Variants in MMADHC observed in about 807,000 individuals in gnomAD.
MMADHC encodes the protein cobalamin trafficking protein CblD.
MMADHC carries 23 observed loss-of-function variants against 36.3 expected under a neutral mutation model. That is an observed-to-expected ratio of 0.63 (90% confidence interval 0.46 to 0.90). The LOEUF is 0.90. Among genes scored for constraint, MMADHC ranks in the 40% least tolerant of loss-of-function variants. The pLI is 0.00. For missense variants in MMADHC, 330 were observed against 348.0 expected (o/e 0.95, Z 0.41); for synonymous variants, 97 against 116.1 (o/e 0.84, Z 1.06).
At chr2:149,574,239 T>C (rs572215934) in intron 6 of MMADHC, among the ~76,000 whole-genome samples, 4 of 152,280 alleles carry the variant, frequency 2.6e-5, no homozygotes, top group South Asian at 2.1e-4. Context: ...ACTTCAATGA[T>C]AGTGATGAGT....
chr2:149,577,585 G>A (rs1298876316), intron 4 of MMADHC, among the ~76,000 whole-genome samples: 1 of 152,146 alleles, frequency 6.6e-6, no homozygotes, highest in Non-Finnish European at 1.5e-5. Flanking sequence ...GGGAGGCTGA[G>A]GCACGAGAAT....
At chr2:149,575,529 CT>C (rs1388878344) in intron 6 of MMADHC, among the ~76,000 whole-genome samples, 181 bp downstream of exon 6, 3 of 152,042 alleles carry the variant, frequency 2.0e-5, no homozygotes, top group Non-Finnish European at 2.9e-5. Flanking sequence ...AGAATCTAAA[CT>C]TTTAAGGATA....
rs76358075 is a variant in MMADHC, at chr2:149,572,912, T to C, written c.610-1741A>G. Among the ~76,000 whole-genome samples, 814 of 152,242 alleles carry C rather than the reference T, an allele frequency of 5.3e-3. 7 individuals carry two copies. Among genetic ancestry groups the C allele is most frequent in the African/African-American group, 0.018 (743 of 41,542 alleles). ...CCAAGCCTTACAAATCAAGACTATA[T>C]TGTAATTCAGAGGTTAGTAAGCTAC... On this transcript the variant is annotated intron_variant, in intron 6 of 7. Transcript: ENST00000303319.
At position 149,582,121 on chromosome 2, in the gene MMADHC, A is replaced by G. The variant is rs113417642; in HGVS notation, c.154+6T>C. 1 of 1,613,678 alleles carries G rather than the reference A, an allele frequency of 6.2e-7. No individual in the cohort carries two copies. Among genetic ancestry groups the G allele is most frequent in the Non-Finnish European group, 8.5e-7 (1 of 1,179,676 alleles). ...TATAAGTAAAGCAGTAACAACTTTCACTTACATATATCTGGAGGTGCAGCA... is the reference window on the plus strand; with the variant it reads ...TATAAGTAAAGCAGTAACAACTTTCGCTTACATATATCTGGAGGTGCAGCA... On this transcript the variant is annotated splice_donor_region_variant and intron_variant, in intron 3 of 7. Transcript: ENST00000303319.
chr2:149,586,408 C>T (rs1682869201), intron 2 of MMADHC, among the ~76,000 whole-genome samples: 1 of 152,168 alleles, frequency 6.6e-6, no homozygotes, highest in South Asian at 2.1e-4. Flanking sequence ...GTCCTTCCCG[C>T]TCATATTTTA....
intron 7 of MMADHC, among the ~76,000 whole-genome samples, chr2:149,570,808 C>A (rs1050952165): frequency 2.0e-5 from 3 of 152,036 alleles, no homozygotes; most frequent in Non-Finnish European, 4.4e-5. Flanking sequence ...AAAATAAACA[C>A]ACTAATTCAA....
In MMADHC at chr2:149,587,094, C is replaced by G; in HGVS notation, c.4G>C (p.Ala2Pro). 1 of 1,613,866 alleles carries G rather than the reference C, an allele frequency of 6.2e-7. No individual in the cohort carries two copies. The highest frequency in any genetic ancestry group is 8.5e-7 in the Non-Finnish European group (1 of 1,179,750). The change falls in exon 2 of 8, where the codon GCC (alanine) becomes CCC (proline). Residue 2 changes from alanine to proline, a missense_variant. By Grantham distance (27) the Ala-to-Pro change is conservative (BLOSUM62 -1). Transcript: ENST00000303319. M[A>P]NVLCNRARLV... is the part of the protein sequence containing the mutation. Reference sequence around the variant, plus strand: ...TTAAGAGATAATTTACTCACATTGGCCATCTCCGCTGGAGAAGATAGTTCG... The same window carrying G: ...TTAAGAGATAATTTACTCACATTGGGCATCTCCGCTGGAGAAGATAGTTCG...
intron 2 of MMADHC, among the ~76,000 whole-genome samples, chr2:149,582,559 T>A (rs904474635): frequency 2.0e-5 from 3 of 152,214 alleles, no homozygotes; most frequent in Admixed American, 2.0e-4. Flanking sequence ...ATCTAAAAGT[T>A]GTCTTATTTA....
chr2:149,570,590 T>C (rs1448970009), intron 7 of MMADHC, among the ~76,000 whole-genome samples: 1 of 152,198 alleles, frequency 6.6e-6, no homozygotes, highest in African/African-American at 2.4e-5. Context: ...TACTACTTGT[T>C]ACAGAAAGAT....
chr2:149,569,752 A>C lies in MMADHC; in HGVS notation c.*222T>G. The C allele has an allele frequency of 2.3e-6, 1 of 440,114 alleles. No homozygotes were observed. The highest frequency in any genetic ancestry group is 3.4e-5 in the South Asian group (1 of 29,098). The allele number at this position is 440,114 out of a possible 1,614,324, so 27.3% of individuals were successfully genotyped here. A position where few individuals can be genotyped will look rare whatever the true frequency, so the allele number is the denominator to read the frequency against. On this transcript the variant is annotated 3_prime_UTR_variant, in exon 8 of 8. Coordinates refer to ENST00000303319, the MANE Select transcript of MMADHC (RefSeq NM_015702.3). ...ATACCCTGGTTACAAGCTAATTACC[A>C]CATCCTATACAATGTGGATGTGTTC...
chr2:149,582,555 A>T (rs1270850516), intron 2 of MMADHC, among the ~76,000 whole-genome samples: 1 of 152,224 alleles, frequency 6.6e-6, no homozygotes, highest in East Asian at 1.9e-4. Flanking sequence ...AGACATCTAA[A>T]AGTTGTCTTA....
intron 3 of MMADHC, 77 bp downstream of exon 3, chr2:149,582,050 G>T (rs1573879979): frequency 1.3e-5 from 20 of 1,525,138 alleles, no homozygotes; most frequent in Non-Finnish European, 1.8e-5. Context: ...TAAGCCTTAA[G>T]AAGAAATATT....
Position 149,570,053 on chromosome 2 carries a change from C to G in MMADHC, c.812G>C (p.Gly271Ala). 3.1e-6 allele frequency: 5 copies of G among 1,613,650 alleles called. No individual in the cohort carries two copies. The highest frequency in any genetic ancestry group is 4.2e-6 in the Non-Finnish European group (5 of 1,179,682). Residue 271 changes from glycine (G) to alanine (A), a missense_variant, in exon 8 of 8, where the codon GGT (glycine) becomes GCT (alanine). Physicochemically the swap from Gly to Ala is moderately conservative, Grantham distance 60. Transcript: ENST00000303319. The part of the protein sequence containing the change: ...CCKVIRHSLW[G>A]THVVVGSIFT... ...GATACTCCCTACAACTACATGGGTA[C>G]CCCAGAGACTATGACGAATCACTTT...
intron 2 of MMADHC, among the ~76,000 whole-genome samples, chr2:149,584,419 T>C (rs777695211): frequency 6.6e-6 from 1 of 152,212 alleles, no homozygotes; most frequent in Non-Finnish European, 1.5e-5. Context: ...AGTTTCAGCA[T>C]GGTTAAACTA....
intron 6 of MMADHC, among the ~76,000 whole-genome samples, chr2:149,574,706 T>C (rs187048882): frequency 1.9e-4 from 29 of 152,344 alleles, no homozygotes; most frequent in Admixed American, 1.2e-3. Context: ...TAGGAATCTA[T>C]AGATATTAGC....
chr2:149,574,150 G>GT (rs1682682028), intron 6 of MMADHC, among the ~76,000 whole-genome samples: 1 of 152,124 alleles, frequency 6.6e-6, no homozygotes, highest in Admixed American at 6.5e-5. Context: ...ACTGGAGTCA[G>GT]TATCAAATTA....
chr2:149,587,212 G>A, intron 1 of MMADHC, 63 bp from the exon 2 acceptor site: 1 of 1,014,586 alleles, frequency 9.9e-7, no homozygotes, highest in Non-Finnish European at 1.6e-6. Flanking sequence ...GACAACTGAG[G>A]TAACGTCCAC....
At chr2:149,579,102 T>C (rs916793261) in intron 4 of MMADHC, among the ~76,000 whole-genome samples, 10 of 151,716 alleles carry the variant, frequency 6.6e-5, no homozygotes, top group African/African-American at 2.4e-4. Flanking sequence ...ACAAATTTAA[T>C]TGCCATTTAT....
chr2:149,570,978 G>T (rs1682629998), intron 7 of MMADHC, 107 bp downstream of exon 7: 1 of 933,316 alleles, frequency 1.1e-6, no homozygotes, highest in Non-Finnish European at 1.7e-6. Flanking sequence ...GGGTAAAATT[G>T]TGAGATTTTT....
Sources: allele counts gnomAD v4.1 joint callset (sites outside exome capture counted in the v4.1 genomes callset), GRCh38; gene constraint gnomAD v4.1.1; transcripts MANE v1.5; gene names NCBI Gene and HGNC (gene_info 2026-07-23, HGNC 2026-07-21).